Variants in GFPT1 observed in about 807,000 individuals in gnomAD.
GFPT1 encodes the protein glutamine--fructose-6-phosphate transaminase 1, also known as glutamine--fructose-6-phosphate aminotransferase [isomerizing] 1.
A neutral mutation model predicts 92.0 loss-of-function variants in GFPT1; 40 were observed. The observed-to-expected ratio is 0.43, with a 90% CI of 0.34 to 0.57. The LOEUF is 0.57. Among genes scored for constraint, GFPT1 ranks in the 20% least tolerant of loss-of-function variants. The pLI, the probability that GFPT1 is intolerant of heterozygous loss-of-function variation, is 0.02. For synonymous variants in GFPT1, 269 were observed against 280.6 expected, an observed-to-expected ratio of 0.96 and a Z score of 0.41; for missense variants, 448 against 869.1, an observed-to-expected ratio of 0.52 and a Z score of 6.09.
At position 69,377,207 on chromosome 2, in the gene GFPT1, CA is replaced by C. The variant is rs59023245; in HGVS notation, c.8-3095del. On this transcript the variant is annotated intron_variant, in intron 1 of 19. Transcript: ENST00000357308. ...TGGGCAACAGAGCAAGACTCCGTCT[CA>C]AAAAAAAAAAAAAAAAAAAGATTAA... 8.4e-3 allele frequency among the ~76,000 whole-genome samples: 711 copies of C among 84,350 alleles called. 3 individuals are homozygous for C. Among genetic ancestry groups the C allele is most frequent in the African/African-American group, 0.026 (552 of 21,468 alleles). 55.3% of individuals were successfully genotyped at this position (84,350 alleles called of 152,430 possible). A position where few individuals can be genotyped will look rare whatever the true frequency, so the allele number is the denominator to read the frequency against.
Position 69,329,401 on chromosome 2 carries a change from T to G in GFPT1, c.1621A>C (p.Met541Leu), listed in dbSNP as rs748922005. 1.9e-6 allele frequency: 3 copies of G among 1,609,366 alleles called. No individual in the cohort carries two copies. The South Asian group carries it at 3.3e-5, about 18-fold the overall frequency. The stretch of plus-strand genomic sequence containing the variant: ...GCTAGTTTCTGAATTTCGTCATCCA[T>G]GCTCAGTACTTCCTTAATCAAATCT... ...LPDLIKEVLS[M>L]DDEIQKLATE... Residue 541 changes from methionine (M) to leucine (L), a missense_variant, in exon 17 of 20, where the codon ATG becomes CTG. This residue lies in a region of GFPT1 where 73 missense variants were observed against 103.5 expected (regional missense o/e 0.71). Coordinates refer to ENST00000357308, the MANE Select transcript of GFPT1 (RefSeq NM_001244710.2).
At chr2:69,385,377 C>A (rs1292979553) in intron 1 of GFPT1, among the ~76,000 whole-genome samples, 1 of 152,046 alleles carries the variant, frequency 6.6e-6, no homozygotes, top group Non-Finnish European at 1.5e-5. Context: ...AGGCGCGTAC[C>A]ACCACGCCCA....
chr2:69,351,246 C>G (rs1167585923), intron 9 of GFPT1, among the ~76,000 whole-genome samples: 1 of 152,162 alleles, frequency 6.6e-6, no homozygotes, highest in Non-Finnish European at 1.5e-5. Context: ...GACACCTCTA[C>G]TTAATTTGTC....
chr2:69,375,991 G>A (rs998272894), intron 1 of GFPT1, among the ~76,000 whole-genome samples: 1 of 152,224 alleles, frequency 6.6e-6, no homozygotes, highest in Non-Finnish European at 1.5e-5. Flanking sequence ...ATTTAATTCA[G>A]AAGAATGAGT....
At chr2:69,384,751 A>T (rs1209962269) in intron 1 of GFPT1, among the ~76,000 whole-genome samples, 1 of 150,272 alleles carries the variant, frequency 6.7e-6, no homozygotes, top group Non-Finnish European at 1.5e-5. Flanking sequence ...AGAAAGAAAG[A>T]AAGAGAGAGA....
intron 4 of GFPT1, 125 bp downstream of exon 4, chr2:69,363,420 A>T: frequency 2.0e-6 from 2 of 1,002,334 alleles, no homozygotes; most frequent in Non-Finnish European, 3.0e-6. Context: ...GCTCTCTACT[A>T]CTTCTGAATG....
In GFPT1 at chr2:69,338,502, G is replaced by A. The variant is rs1168233879; in HGVS notation, c.1267C>T (p.Leu423=). 8 of 1,613,240 alleles carry A rather than the reference G, an allele frequency of 5.0e-6. No homozygotes were observed. Among genetic ancestry groups the A allele is most frequent in the Middle Eastern group, 1.7e-4 (1 of 6,060 alleles). ...CGAAAGACTGGTGTGTTTCTGTCCA[G>A]GAAGTCACTTGCTAGTTCCACCATC... The part of the protein sequence containing the change: ...PVMVELASDF[L]DRNTPVFRDD... Residue 423 remains leucine (L), a synonymous_variant, in exon 14 of 20, where the codon CTG becomes TTG. Transcript: ENST00000357308.
intron 12 of GFPT1, among the ~76,000 whole-genome samples, chr2:69,345,408 C>G (rs1671059661): frequency 6.6e-6 from 1 of 152,184 alleles, no homozygotes; most frequent in Admixed American, 6.5e-5. Flanking sequence ...CTAGGCCAGG[C>G]AGATACACAT....
chr2:69,370,908 G>A (rs968303902), intron 2 of GFPT1, among the ~76,000 whole-genome samples: 1 of 151,842 alleles, frequency 6.6e-6, no homozygotes, highest in African/African-American at 2.4e-5. Flanking sequence ...GCTGAGGCAG[G>A]AGAATGGCTT....
At position 69,341,018 on chromosome 2, in the gene GFPT1, G is replaced by A. The variant is rs77316155; in HGVS notation, c.1203+1134C>T. Among the ~76,000 whole-genome samples the A allele has an allele frequency of 0.015, 2,214 of 151,418 alleles. 126 individuals carry two copies. The East Asian group carries it at 0.18, about 13-fold the overall frequency. On this transcript the variant is annotated intron_variant, in intron 13 of 19. Coordinates refer to ENST00000357308, the MANE Select transcript of GFPT1 (RefSeq NM_001244710.2). ...TTTGTCGCCCAGGTTGGAGTTCAGC[G>A]GTGCAATCTAGGCTCACTGCAGCCT...
At chr2:69,336,543 G>A (rs1309118347) in intron 15 of GFPT1, among the ~76,000 whole-genome samples, 1 of 148,564 alleles carries the variant, frequency 6.7e-6, no homozygotes, top group Non-Finnish European at 1.5e-5. Flanking sequence ...TAATCAGCAA[G>A]AAATATCAAA....
intron 3 of GFPT1, among the ~76,000 whole-genome samples, chr2:69,365,883 G>A (rs1029230780): frequency 1.2e-4 from 18 of 151,998 alleles, no homozygotes; most frequent in Admixed American, 8.5e-4. Flanking sequence ...CGCAATCTTG[G>A]CTCACTGCAA....
chr2:69,353,800 T>C lies in GFPT1; in HGVS notation c.739+459A>G, dbSNP rs534639132. 3.3e-5 allele frequency among the ~76,000 whole-genome samples: 5 copies of C among 152,104 alleles called. No homozygotes were observed. The South Asian group carries it at 1.0e-3, about 32-fold the overall frequency. Reference sequence around the variant, plus strand: ...ATATAAAAGAACAATCACTACAAATTCAAATAAAGCCAATCAAGATAGCAA... The same window carrying C: ...ATATAAAAGAACAATCACTACAAATCCAAATAAAGCCAATCAAGATAGCAA... On this transcript the variant is annotated intron_variant, in intron 9 of 19. Transcript: ENST00000357308.
In GFPT1 at chr2:69,328,258, T is replaced by A; in HGVS notation, c.1893+13A>T. 1 of 1,608,142 alleles carries A rather than the reference T, an allele frequency of 6.2e-7. No individual in the cohort carries two copies. Among genetic ancestry groups the A allele is most frequent in the Non-Finnish European group, 8.5e-7 (1 of 1,174,664 alleles). On this transcript the variant is annotated intron_variant, in intron 18 of 19. Transcript: ENST00000357308. ...TTTGATCCCCAAGGTGTTCTCACAG[T>A]CCCCCGACTTACCTGCCGAGCAACC...
At chr2:69,369,250 A>C (rs1671686757) in intron 3 of GFPT1, among the ~76,000 whole-genome samples, 1 of 152,178 alleles carries the variant, frequency 6.6e-6, no homozygotes, top group South Asian at 2.1e-4. Flanking sequence ...ATGTGGGAAA[A>C]AAAAAAGACA....
Position 69,350,033 on chromosome 2 carries a change from A to G in GFPT1, c.845+45T>C, listed in dbSNP as rs1404479315. 5 of 1,261,450 alleles carry G rather than the reference A, an allele frequency of 4.0e-6. No homozygotes were observed. In the East Asian group the frequency reaches 1.2e-4, roughly 29 times the overall value. The allele number at this position is 1,261,450 out of a possible 1,614,324, so 78.1% of individuals were successfully genotyped here. ...GACTTCTTGGGTTTCCTGCAGAATG[A>G]GAAGTTTTACTAAAAATCTCTTTGA... On this transcript the variant is annotated intron_variant, in intron 10 of 19. Transcript: ENST00000357308.
intron 19 of GFPT1, among the ~76,000 whole-genome samples, chr2:69,326,491 G>A (rs1670535304): frequency 6.6e-6 from 1 of 152,208 alleles, no homozygotes; most frequent in African/African-American, 2.4e-5. Flanking sequence ...GTCCTCTACA[G>A]AAGTAGTAGC....
intron 15 of GFPT1, among the ~76,000 whole-genome samples, chr2:69,337,302 T>C (rs369999860): frequency 2.0e-5 from 3 of 152,098 alleles, no homozygotes; most frequent in Non-Finnish European, 1.5e-5. Flanking sequence ...TGAGCTCAAA[T>C]GATCCGCCCG....
intron 15 of GFPT1, among the ~76,000 whole-genome samples, chr2:69,330,409 T>G (rs1670631523): frequency 6.6e-6 from 1 of 152,102 alleles, no homozygotes; most frequent in Admixed American, 6.6e-5. Context: ...AATCAGCATG[T>G]GCCTAACCAC....
Sources: allele counts gnomAD v4.1 joint callset (sites outside exome capture counted in the v4.1 genomes callset), GRCh38; gene constraint gnomAD v4.1.1; regional missense constraint gnomAD v4.1.1; transcripts MANE v1.5; gene names NCBI Gene and HGNC (gene_info 2026-07-23, HGNC 2026-07-21).